ZNF804A: variants seen among roughly 807,000 people sequenced by gnomAD.
ZNF804A encodes the protein zinc finger protein 804A.
Under a neutral mutation model 16.5 loss-of-function variants are expected in ZNF804A, and 2 were observed. That is an observed-to-expected ratio of 0.12 (90% CI 0.05 to 0.38). The LOEUF (loss-of-function observed/expected upper bound fraction) is 0.38, where lower values mean the gene tolerates loss of function less well. ZNF804A is among the 10% of genes least tolerant of loss of function. The pLI, the probability that ZNF804A is intolerant of heterozygous loss-of-function variation, is 0.99. For missense variants in ZNF804A, 1,473 were observed against 1,390.7 expected (o/e 1.06, Z -0.94); for synonymous variants, 534 against 489.6 (o/e 1.09, Z -1.20).
chr2:184,707,484 T>C (rs923486851), intron 1 of ZNF804A, among the ~76,000 whole-genome samples: 1 of 152,078 alleles, frequency 6.6e-6, no homozygotes, highest in African/African-American at 2.4e-5. Context: ...TATTGCCATC[T>C]TTATGTCCAT....
intron 1 of ZNF804A, among the ~76,000 whole-genome samples, chr2:184,848,045 T>C (rs1695546286): frequency 1.3e-5 from 2 of 152,106 alleles, no homozygotes; most frequent in Admixed American, 1.3e-4. Context: ...ACATTAATTA[T>C]AACGTCATTA....
chr2:184,849,876 T>C (rs760759264), intron 1 of ZNF804A, among the ~76,000 whole-genome samples: 2 of 152,008 alleles, frequency 1.3e-5, no homozygotes, highest in Non-Finnish European at 1.5e-5. Flanking sequence ...AATGGAATAT[T>C]TTTCAGCCAT....
At chr2:184,915,214 A>G (rs1685426063) in intron 2 of ZNF804A, among the ~76,000 whole-genome samples, 2 of 152,104 alleles carry the variant, frequency 1.3e-5, no homozygotes, top group African/African-American at 4.8e-5. Flanking sequence ...ATTTTCTGGC[A>G]TTATTACTCT....
chr2:184,683,306 G>C (rs774895924), intron 1 of ZNF804A, among the ~76,000 whole-genome samples: 5 of 151,854 alleles, frequency 3.3e-5, no homozygotes, highest in African/African-American at 1.2e-4. Flanking sequence ...TTTTCTGTAG[G>C]TTTCAAGTAT....
At chr2:184,758,743 A>G (rs1574198299) in intron 1 of ZNF804A, among the ~76,000 whole-genome samples, 1 of 152,032 alleles carries the variant, frequency 6.6e-6, no homozygotes, top group South Asian at 2.1e-4. Flanking sequence ...AATATGATTA[A>G]CATAATGCCT....
chr2:184,801,478 A>G (rs1694726526), intron 1 of ZNF804A, among the ~76,000 whole-genome samples: 1 of 151,984 alleles, frequency 6.6e-6, no homozygotes, highest in Non-Finnish European at 1.5e-5. Flanking sequence ...GTTCTGTTCT[A>G]TTTTTGTCAT....
intron 1 of ZNF804A, among the ~76,000 whole-genome samples, chr2:184,777,490 T>C (rs1694306563): frequency 6.6e-6 from 1 of 151,550 alleles, no homozygotes; most frequent in East Asian, 1.9e-4. Context: ...AGCATCACTG[T>C]CATTCCCTTC....
intron 1 of ZNF804A, among the ~76,000 whole-genome samples, chr2:184,657,306 C>T (rs1035609239): frequency 1.3e-5 from 2 of 152,060 alleles, no homozygotes; most frequent in African/African-American, 2.4e-5. Context: ...GGGTTAGTCT[C>T]GAACTCCTGG....
intron 1 of ZNF804A, among the ~76,000 whole-genome samples, chr2:184,728,313 T>C (rs1693450351): frequency 6.6e-6 from 1 of 151,874 alleles, no homozygotes; most frequent in African/African-American, 2.4e-5. Flanking sequence ...CTCAATGTTA[T>C]GGGATGATAC....
intron 1 of ZNF804A, among the ~76,000 whole-genome samples, chr2:184,859,504 A>G (rs1313923803): frequency 1.3e-5 from 2 of 151,522 alleles, no homozygotes; most frequent in Admixed American, 1.3e-4. Context: ...TGTCTTCCTC[A>G]TTTTATTTAC....
At chr2:184,674,497 T>G (rs962256655) in intron 1 of ZNF804A, among the ~76,000 whole-genome samples, 2 of 151,734 alleles carry the variant, frequency 1.3e-5, no homozygotes, top group Non-Finnish European at 3.0e-5. Flanking sequence ...GAGACAAAAT[T>G]TGAAAGAAAA....
At chr2:184,657,284 G>C (rs748516072) in intron 1 of ZNF804A, among the ~76,000 whole-genome samples, 5 of 151,948 alleles carry the variant, frequency 3.3e-5, no homozygotes, top group Admixed American at 6.6e-5. Flanking sequence ...TGGGGTTTTC[G>C]CCATGTTGCC....
chr2:184,891,281 C>G (rs535325355), intron 2 of ZNF804A, among the ~76,000 whole-genome samples: 150 of 152,208 alleles, frequency 9.9e-4, no homozygotes, highest in African/African-American at 3.6e-3. Flanking sequence ...ACAAAGCTGC[C>G]TGGATCGTTC....
At chr2:184,837,650 T>A (rs1386705344) in intron 1 of ZNF804A, among the ~76,000 whole-genome samples, 1 of 152,126 alleles carries the variant, frequency 6.6e-6, no homozygotes, top group Non-Finnish European at 1.5e-5. Context: ...GGTATAAATT[T>A]GAAAAACAAA....
intron 1 of ZNF804A, among the ~76,000 whole-genome samples, chr2:184,675,017 G>A (rs915829595): frequency 5.9e-5 from 9 of 151,678 alleles, no homozygotes; most frequent in African/African-American, 2.2e-4. Flanking sequence ...ATATGCCTTA[G>A]TTATGTATAT....
rs761854443 is a variant in ZNF804A at position 184,866,547 on chromosome 2, T to C, written c.255+35T>C. 7.6e-6 allele frequency: 12 copies of C among 1,577,366 alleles called. No homozygotes were observed. In the East Asian group the frequency reaches 1.4e-4, roughly 18 times the overall value. On this transcript the variant is annotated intron_variant, in intron 2 of 3. Coordinates refer to ENST00000302277, the MANE Select transcript of ZNF804A (RefSeq NM_194250.2). The stretch of plus-strand genomic sequence containing the variant: ...AGATGTGAAAAAATTCTGGCATTTC[T>C]GGACTTGTGTAATAGTTTTAATTGT...
chr2:184,728,775 G>A (rs1260309165), intron 1 of ZNF804A, among the ~76,000 whole-genome samples: 1 of 151,866 alleles, frequency 6.6e-6, no homozygotes, highest in South Asian at 2.1e-4. Context: ...AATAATAACA[G>A]TGTGTTAGTC....
chr2:184,880,769 C>T (rs1460790057), intron 2 of ZNF804A, among the ~76,000 whole-genome samples: 3 of 151,996 alleles, frequency 2.0e-5, no homozygotes, highest in African/African-American at 7.2e-5. Flanking sequence ...TGTGTCATCC[C>T]ATGGTGGAAG....
At chr2:184,932,361 G>A (rs1241664682) in intron 2 of ZNF804A, among the ~76,000 whole-genome samples, 2 of 152,148 alleles carry the variant, frequency 1.3e-5, no homozygotes, top group African/African-American at 4.8e-5. Context: ...CACATGGCTA[G>A]AAAGGCCTCA....
Sources: gnomAD v4.1 joint callset for allele counts (sites outside exome capture counted in the v4.1 genomes callset) on GRCh38, gnomAD v4.1.1 for gene constraint, MANE v1.5 for transcripts, NCBI Gene and HGNC (gene_info 2026-07-23, HGNC 2026-07-21) for gene names.